Variants in KIAA1671 observed in about 807,000 individuals in gnomAD.
KIAA1671 encodes the protein uncharacterized protein KIAA1671.
A neutral mutation model predicts 131.2 loss-of-function variants in KIAA1671; 52 were observed. That is an observed-to-expected ratio of 0.40 (90% CI 0.32 to 0.50). The LOEUF is 0.50. Ranked by LOEUF, KIAA1671 falls within the 20% of genes least tolerant of loss-of-function variation. The pLI, the probability that KIAA1671 is intolerant of heterozygous loss-of-function variation, is 0.73. For missense variants in KIAA1671, 2,360 were observed against 2,364.2 expected, an observed-to-expected ratio of 1.00 and a Z score of 0.04; for synonymous variants, 1,003 against 961.6, an observed-to-expected ratio of 1.04 and a Z score of -0.80.
At chr22:25,134,171 C>T (rs1036231775) in intron 6 of KIAA1671, among the ~76,000 whole-genome samples, 2 of 152,196 alleles carry the variant, frequency 1.3e-5, no homozygotes, top group Admixed American at 1.3e-4. Context: ...TCAGCCTGAG[C>T]CTGGTTGGCC....
chr22:25,089,526 A>C (rs967730152), intron 6 of KIAA1671, among the ~76,000 whole-genome samples: 16 of 152,026 alleles, frequency 1.1e-4, no homozygotes, highest in Non-Finnish European at 1.8e-4. Flanking sequence ...CACCCGCCTC[A>C]GCCTCTCAAA....
intron 1 of KIAA1671, among the ~76,000 whole-genome samples, chr22:25,005,146 G>A (rs542646515): frequency 2.0e-5 from 3 of 150,962 alleles, no homozygotes; most frequent in Admixed American, 6.6e-5. Flanking sequence ...TCAAGCGATC[G>A]AGACCATCCT....
At position 25,028,944 on chromosome 22, in the gene KIAA1671, G is replaced by A; in HGVS notation, c.945G>A (p.Gly315=). Reference sequence around the variant, plus strand: ...GACCCACAGCAGGGGATATGGCTGGGCTAGAGAGGCCCAGAGCAGCGTCCA... The same window carrying A: ...GACCCACAGCAGGGGATATGGCTGGACTAGAGAGGCCCAGAGCAGCGTCCA... The part of the protein sequence containing the change: ...GSGPTAGDMA[G]LERPRAASKL... The change falls in exon 3 of 13, where the codon GGG becomes GGA. Residue 315 remains glycine, a synonymous_variant. Transcript: ENST00000358431. 6.4e-7 allele frequency: 1 copy of A among 1,550,828 alleles called. No individual in the cohort carries two copies. The highest frequency in any genetic ancestry group is 8.7e-7 in the Non-Finnish European group (1 of 1,146,638).
chr22:24,982,218 G>A (rs963471594), intron 1 of KIAA1671, among the ~76,000 whole-genome samples: 10 of 152,194 alleles, frequency 6.6e-5, no homozygotes, highest in Admixed American at 4.6e-4. Context: ...TAACACCAGC[G>A]ATGCTGGTTA....
chr22:25,179,590 T>A, intron 9 of KIAA1671: 1 of 1,323,290 alleles, frequency 7.6e-7, no homozygotes, highest in South Asian at 1.4e-5. Context: ...CCCTGCCCAA[T>A]GCGTTGGCCT....
intron 7 of KIAA1671, among the ~76,000 whole-genome samples, chr22:25,173,360 G>C (rs1191196109): frequency 2.0e-5 from 3 of 152,188 alleles, no homozygotes; most frequent in African/African-American, 7.2e-5. Flanking sequence ...GGAGAGGACT[G>C]AATGACACAT....
At chr22:25,027,049 T>C (rs952797575) in intron 2 of KIAA1671, among the ~76,000 whole-genome samples, 3 of 152,240 alleles carry the variant, frequency 2.0e-5, no homozygotes, top group South Asian at 4.1e-4. Context: ...ACAAGAAGCA[T>C]GTGGCATAGC....
At chr22:25,139,110 T>C (rs1424751419) in intron 6 of KIAA1671, among the ~76,000 whole-genome samples, 2 of 152,256 alleles carry the variant, frequency 1.3e-5, no homozygotes, top group Non-Finnish European at 2.9e-5. Context: ...ATGGGTCTCC[T>C]GGGCATCTGT....
intron 1 of KIAA1671, among the ~76,000 whole-genome samples, chr22:24,954,626 T>C (rs980422432): frequency 2.0e-5 from 3 of 152,220 alleles, no homozygotes; most frequent in African/African-American, 7.2e-5. Flanking sequence ...TTGGAGTTAC[T>C]TTCCAGCTAT....
chr22:25,074,650 A>T (rs531163528), intron 6 of KIAA1671, among the ~76,000 whole-genome samples: 1 of 152,228 alleles, frequency 6.6e-6, no homozygotes, highest in African/African-American at 2.4e-5. Context: ...GATGAGTACA[A>T]AGAAGAAAAG....
intron 6 of KIAA1671, among the ~76,000 whole-genome samples, chr22:25,147,517 C>T (rs993305648): frequency 6.6e-6 from 1 of 152,094 alleles, no homozygotes; most frequent in Non-Finnish European, 1.5e-5. Context: ...ATAACAATAC[C>T]CCCACCTCCA....
chr22:24,989,076 A>G (rs1923701180), intron 1 of KIAA1671, among the ~76,000 whole-genome samples: 1 of 152,122 alleles, frequency 6.6e-6, no homozygotes, highest in Non-Finnish European at 1.5e-5. Flanking sequence ...TTTTGAATCA[A>G]TCTTTTTTCA....
intron 1 of KIAA1671, among the ~76,000 whole-genome samples, chr22:24,955,949 G>A (rs1055727262): frequency 6.6e-5 from 10 of 151,722 alleles, no homozygotes; most frequent in African/African-American, 1.7e-4. Context: ...GGCATGAACC[G>A]GGGAGGCGGA....
intron 5 of KIAA1671, 51 bp from the exon 6 acceptor site, chr22:25,049,179 G>A: frequency 6.6e-7 from 1 of 1,525,438 alleles, no homozygotes; most frequent in Non-Finnish European, 8.8e-7. Flanking sequence ...ATTTTTTCCT[G>A]TAAATGAGAA....
chr22:24,961,189 G>A (rs959370086), intron 1 of KIAA1671, among the ~76,000 whole-genome samples: 5 of 151,960 alleles, frequency 3.3e-5, no homozygotes, highest in Admixed American at 1.3e-4. Flanking sequence ...TTGTAGAGAC[G>A]AGATTTTGCC....
intron 9 of KIAA1671, chr22:25,179,321 C>A: frequency 1.3e-6 from 2 of 1,586,924 alleles, no homozygotes; most frequent in Non-Finnish European, 1.7e-6. Flanking sequence ...AGCCCGACAT[C>A]TCCTCTCGCT....
intron 4 of KIAA1671, among the ~76,000 whole-genome samples, chr22:25,037,592 C>T (rs1369869641): frequency 1.3e-5 from 2 of 151,986 alleles, no homozygotes; most frequent in Non-Finnish European, 2.9e-5. Flanking sequence ...ATGTAAGCAT[C>T]ACCACTATCT....
intron 1 of KIAA1671, among the ~76,000 whole-genome samples, chr22:24,953,519 C>T (rs981358786): frequency 6.6e-6 from 1 of 152,014 alleles, no homozygotes; most frequent in African/African-American, 2.4e-5. Context: ...CTTCCCAGGG[C>T]GGAGGCGCCC....
In KIAA1671 at chr22:25,196,745, C is replaced by CT. The variant is rs1303367154; in HGVS notation, c.*4349dup. 6.6e-6 allele frequency: 1 copy of CT among 152,084 alleles called. No individual in the cohort carries two copies. The highest frequency in any genetic ancestry group is 1.5e-5 in the Non-Finnish European group (1 of 68,032). 9.4% of individuals were successfully genotyped at this position (152,084 alleles called of 1,614,324 possible). Reference sequence around the variant, plus strand: ...GCCACCATGCCCAGCTGAATTTGAGCTTTTTAATAATCTCATTCCACATAG... The same window carrying CT: ...GCCACCATGCCCAGCTGAATTTGAGCTTTTTTAATAATCTCATTCCACATAG... On this transcript the variant is annotated 3_prime_UTR_variant, in exon 13 of 13. Transcript: ENST00000358431.
Sources: allele counts gnomAD v4.1 joint callset (sites outside exome capture counted in the v4.1 genomes callset), GRCh38; gene constraint gnomAD v4.1.1; transcripts MANE v1.5; gene names NCBI Gene and HGNC (gene_info 2026-07-23, HGNC 2026-07-21).